The following GBP3 variants were observed in gnomAD, a reference collection of about 807,000 sequenced individuals.
The protein encoded by GBP3 is guanylate-binding protein 3.
Under a neutral mutation model 62.4 loss-of-function variants are expected in GBP3, and 55 were observed. That is an observed-to-expected ratio of 0.88 (90% CI 0.71 to 1.10). The LOEUF is 1.10. GBP3 is among the 50% of genes least tolerant of loss of function. The pLI, the probability that GBP3 is intolerant of heterozygous loss-of-function variation, is 0.00. For synonymous variants in GBP3, 208 were observed against 259.2 expected, an observed-to-expected ratio of 0.80 and a Z score of 1.90; for missense variants, 605 against 690.6, an observed-to-expected ratio of 0.88 and a Z score of 1.39.
chr1:89,010,073 T>C (rs1678469467), intron 8 of GBP3, among the ~76,000 whole-genome samples: 1 of 152,240 alleles, frequency 6.6e-6, no homozygotes, highest in Non-Finnish European at 1.5e-5. Flanking sequence ...ATCTGATAAT[T>C]GAATTTATAA....
intron 2 of GBP3, among the ~76,000 whole-genome samples, chr1:89,016,873 C>T (rs1047834691): frequency 6.6e-6 from 1 of 152,014 alleles, no homozygotes; most frequent in Non-Finnish European, 1.5e-5. Flanking sequence ...CTGTGCTTGG[C>T]CAAACATTCT....
chr1:89,020,262 G>T, intron 2 of GBP3: 1 of 498,524 alleles, frequency 2.0e-6, no homozygotes, highest in Non-Finnish European at 3.7e-6. Flanking sequence ...CTAGTCAAGT[G>T]CAGTCAGTAG....
At chr1:89,015,517 C>T in intron 2 of GBP3, 103 bp from the exon 3 acceptor site, 1 of 1,064,850 alleles carries the variant, frequency 9.4e-7, no homozygotes, top group Non-Finnish European at 1.3e-6. Context: ...GAGAGATAAC[C>T]AAAACCACAA....
Position 89,013,420 on chromosome 1 carries a change from A to C in GBP3, c.633T>G (p.Ser211Arg). ...EYSLKLTQGT[S>R]QKDKNFNLPR... ...GCAGATTAAAATTTTTATCTTTTTG[A>C]CTGGTACCTAGAGAAACATAATAAA... The change falls in exon 6 of 11, where the codon AGT (serine) becomes AGG (arginine). Residue 211 changes from serine (S) to arginine (R), a missense_variant. Ser to Arg is a moderately radical substitution (Grantham distance 110). Coordinates refer to ENST00000370481, the MANE Select transcript of GBP3 (RefSeq NM_018284.3). The C allele has an allele frequency of 1.2e-6, 2 of 1,609,954 alleles. No individual in the cohort carries two copies. The highest frequency in any genetic ancestry group is 1.1e-5 in the South Asian group (1 of 90,162).
intron 2 of GBP3, among the ~76,000 whole-genome samples, chr1:89,015,774 A>G (rs1678857328): frequency 6.7e-6 from 1 of 149,366 alleles, no homozygotes; most frequent in Non-Finnish European, 1.5e-5. Context: ...AAAGAGGGAT[A>G]GAGAAACAGA....
intron 3 of GBP3, 112 bp from the exon 4 acceptor site, chr1:89,014,768 A>C (rs1011381537): frequency 7.5e-7 from 1 of 1,328,688 alleles, no homozygotes; most frequent in Non-Finnish European, 1.0e-6. Flanking sequence ...AAGACTAATG[A>C]CCTATGAAAA....
At position 89,014,651 on chromosome 1, in the gene GBP3, G is replaced by T. The variant is rs755726963; in HGVS notation, c.324C>A (p.Asp108Glu). Residue 108 changes from aspartate (D) to glutamate (E), a missense_variant, in exon 4 of 11, where the codon GAC becomes GAA. Physicochemically the swap from Asp to Glu is conservative, Grantham distance 45. Coordinates refer to ENST00000370481, the MANE Select transcript of GBP3 (RefSeq NM_018284.3). ...TGAAGATCCAGGAGTCATTCTGGTT[G>T]TCACCCTGGAAGTCAAGACACACTG... is the stretch of plus-strand genomic sequence containing the variant. ...TEGLGDVKKGDNQNDSWIFTL... is the reference protein window; with the variant it reads ...TEGLGDVKKGENQNDSWIFTL... The T allele has an allele frequency of 2.6e-5, 42 of 1,613,914 alleles. No homozygotes were observed. Among genetic ancestry groups the T allele is most frequent in the Non-Finnish European group, 3.4e-5 (40 of 1,179,952 alleles).
At chr1:89,016,290 A>G (rs1012635199) in intron 2 of GBP3, among the ~76,000 whole-genome samples, 3 of 152,146 alleles carry the variant, frequency 2.0e-5, no homozygotes, top group Admixed American at 2.0e-4. Context: ...GGTGATCACA[A>G]GGTCAGCAGA....
rs545726659 is a variant in GBP3 at position 89,014,385 on chromosome 1, G to C, written c.429-106C>G. The stretch of plus-strand genomic sequence containing the variant: ...ATTTTCCTTTGATCCTAACCTAAGT[G>C]TCAATTCTAAAGTGGATACATGGGA... On this transcript the variant is annotated intron_variant, in intron 4 of 10. Coordinates refer to ENST00000370481, the MANE Select transcript of GBP3 (RefSeq NM_018284.3). The C allele has an allele frequency of 1.2e-5, 19 of 1,596,752 alleles. No homozygotes were observed. In the African/African-American group the frequency reaches 2.3e-4, roughly 19 times the overall value.
intron 2 of GBP3, 94 bp downstream of exon 2, chr1:89,020,438 C>A: frequency 6.9e-7 from 1 of 1,448,368 alleles, no homozygotes; most frequent in East Asian, 2.3e-5. Flanking sequence ...AGCTTATTCC[C>A]AGTGCCAGCT....
At chr1:89,021,546 C>CACACCCCCA (rs1557734773) in intron 1 of GBP3, among the ~76,000 whole-genome samples, 1 of 85,930 alleles carries the variant, frequency 1.2e-5, no homozygotes, top group South Asian at 3.7e-4. Context: ...ACACACACAC[C>CACACCCCCA]CCAAAAAAAC....
intron 8 of GBP3, among the ~76,000 whole-genome samples, chr1:89,009,972 C>A (rs1678463461): frequency 6.6e-6 from 1 of 151,994 alleles, no homozygotes; most frequent in South Asian, 2.1e-4. Flanking sequence ...CGATGAATTA[C>A]CATTTTTTTT....
intron 2 of GBP3, among the ~76,000 whole-genome samples, chr1:89,016,563 G>C (rs1380398712): frequency 2.6e-5 from 4 of 151,690 alleles, no homozygotes; most frequent in Admixed American, 2.6e-4. Context: ...AGAGGGGAAT[G>C]ACTTGTATAA....
intron 10 of GBP3, 135 bp downstream of exon 10, chr1:89,008,812 A>C: frequency 6.7e-7 from 1 of 1,483,290 alleles, no homozygotes; most frequent in South Asian, 1.4e-5. Context: ...TCAGACAGAC[A>C]GAAACAAGAA....
At chr1:89,010,571 C>A (rs1377161464) in intron 8 of GBP3, among the ~76,000 whole-genome samples, 1 of 138,136 alleles carries the variant, frequency 7.2e-6, no homozygotes, top group Non-Finnish European at 1.7e-5. Context: ...TGCAACAGTG[C>A]CCAGCTAATT....
At chr1:89,008,069 C>T (rs1206373973) in intron 10 of GBP3, among the ~76,000 whole-genome samples, 1 of 152,012 alleles carries the variant, frequency 6.6e-6, no homozygotes, top group African/African-American at 2.4e-5. Flanking sequence ...ATGCCTTCTG[C>T]TCTATTGATG....
chr1:89,013,478 C>A (rs1237563498), intron 5 of GBP3, 51 bp from the exon 6 acceptor site: 1 of 1,542,754 alleles, frequency 6.5e-7, no homozygotes, highest in Non-Finnish European at 8.7e-7. Flanking sequence ...TTCCGTAAAG[C>A]GTCAAATAGT....
chr1:89,015,281 C>A lies in GBP3; in HGVS notation c.318+6G>T. ...CTTATTTCAAAATTGAATCTTTGAC[C>A]CTTACCTTCTTTACATCTCCCAGGC... On this transcript the variant is annotated splice_donor_region_variant and intron_variant, in intron 3 of 10. Coordinates refer to ENST00000370481, the MANE Select transcript of GBP3 (RefSeq NM_018284.3). 6.3e-7 allele frequency: 1 copy of A among 1,595,904 alleles called. No homozygotes were observed.
intron 1 of GBP3, among the ~76,000 whole-genome samples, chr1:89,021,544 A>ACCCCCCCC (rs57313061): frequency 1.4e-5 from 2 of 141,042 alleles, no homozygotes; most frequent in Non-Finnish European, 3.1e-5. Context: ...ACACACACAC[A>ACCCCCCCC]CCCCAAAAAA....
Sources: allele counts gnomAD v4.1 joint callset (sites outside exome capture counted in the v4.1 genomes callset), GRCh38; gene constraint gnomAD v4.1.1; transcripts MANE v1.5; gene names NCBI Gene and HGNC (gene_info 2026-07-23, HGNC 2026-07-21).